The following PEDS1 variants were observed in gnomAD, a reference collection of about 807,000 sequenced individuals.
PEDS1 encodes CarF homolog.
A neutral mutation model predicts 35.2 loss-of-function variants in PEDS1; 14 were observed. The ratio of observed to expected loss-of-function variants is 0.40; its 90% CI spans 0.26 to 0.62. PEDS1 has a LOEUF of 0.62. Among genes scored for constraint, PEDS1 ranks in the 20% least tolerant of loss-of-function variants. The pLI is 0.44. For synonymous variants in PEDS1, 152 were observed against 152.0 expected, an observed-to-expected ratio of 1.00 and a Z score of 0.00; for missense variants, 260 against 367.8, an observed-to-expected ratio of 0.71 and a Z score of 2.40.
At chr20:50,134,625 T>C (rs1601217228) in intron 2 of PEDS1, among the ~76,000 whole-genome samples, 1 of 152,160 alleles carries the variant, frequency 6.6e-6, no homozygotes, top group Non-Finnish European at 1.5e-5. Flanking sequence ...GTCATAAGGG[T>C]GGGGCCTCGC....
intron 2 of PEDS1, among the ~76,000 whole-genome samples, chr20:50,135,810 G>A (rs920530092): frequency 2.6e-5 from 4 of 152,078 alleles, no homozygotes; most frequent in Admixed American, 6.6e-5. Flanking sequence ...TTATTTAAAC[G>A]GATTCAGATG....
intron 2 of PEDS1, among the ~76,000 whole-genome samples, chr20:50,132,367 C>A (rs1026326312): frequency 5.3e-5 from 8 of 152,166 alleles, no homozygotes; most frequent in Admixed American, 1.3e-4. Context: ...GAGGCTTCCA[C>A]CCCTGCTGCC....
chr20:50,131,061 C>T, intron 2 of PEDS1, 114 bp from the exon 3 acceptor site: 1 of 1,575,874 alleles, frequency 6.3e-7, no homozygotes, highest in Non-Finnish European at 8.6e-7. Flanking sequence ...GGTGTCCCTT[C>T]TTCTCTAGTT....
At chr20:50,126,265 TA>T (rs1438678250) in intron 5 of PEDS1, among the ~76,000 whole-genome samples, 2 of 152,300 alleles carry the variant, frequency 1.3e-5, no homozygotes, top group African/African-American at 4.8e-5. Flanking sequence ...ATGAGGTAGA[TA>T]CTAATATCAG....
chr20:50,142,906 T>C (rs973257317), intron 2 of PEDS1, among the ~76,000 whole-genome samples: 3 of 151,980 alleles, frequency 2.0e-5, no homozygotes, highest in Admixed American at 1.3e-4. Context: ...TGAGAGCAGG[T>C]GACAGACGCA....
chr20:50,144,477 G>A (rs950048544), intron 1 of PEDS1, among the ~76,000 whole-genome samples: 1 of 152,222 alleles, frequency 6.6e-6, no homozygotes, highest in Non-Finnish European at 1.5e-5. Context: ...CTAAAAGTAT[G>A]GCGTGTGGGC....
In PEDS1 at chr20:50,120,480, C is replaced by CTA. The variant is rs11472820; in HGVS notation, c.*4576_*4577dup. The CTA allele has an allele frequency of 0.3, 43,888 of 147,124 alleles. 6,324 individuals carry two copies. The highest frequency in any genetic ancestry group is 0.37 in the Middle Eastern group (106 of 284). 9.1% of individuals were successfully genotyped at this position (147,124 alleles called of 1,614,324 possible). ...TGCTTATATAGCAATATATATATTGCTATATATATATATATACCCATATAT... is the reference window on the plus strand; with the variant it reads ...TGCTTATATAGCAATATATATATTGCTATATATATATATATATACCCATATAT... On this transcript the variant is annotated 3_prime_UTR_variant, in exon 6 of 6. Transcript: ENST00000371652.
chr20:50,142,914 G>A (rs779904796), intron 2 of PEDS1, among the ~76,000 whole-genome samples: 18 of 152,122 alleles, frequency 1.2e-4, no homozygotes, highest in Non-Finnish European at 2.4e-4. Context: ...GGTGACAGAC[G>A]CACAGTCAGG....
At position 50,131,087 on chromosome 20, in the gene PEDS1, C is replaced by T. The variant is rs1334976030; in HGVS notation, c.242-140G>A. 4 of 1,554,374 alleles carry T rather than the reference C, an allele frequency of 2.6e-6. No homozygotes were observed. In the Admixed American group the frequency reaches 7.8e-5, roughly 30 times the overall value. On this transcript the variant is annotated intron_variant, in intron 2 of 5. Coordinates refer to ENST00000371652, the MANE Select transcript of PEDS1 (RefSeq NM_199129.4). ...TTCTCTAGTTGGGATGTTTTCTTCCCTGAAGATGGAGCCTCAGGCTTAACA... is the reference window on the plus strand; with the variant it reads ...TTCTCTAGTTGGGATGTTTTCTTCCTTGAAGATGGAGCCTCAGGCTTAACA...
intron 2 of PEDS1, among the ~76,000 whole-genome samples, chr20:50,134,951 G>C (rs1306206831): frequency 6.6e-6 from 1 of 152,112 alleles, no homozygotes; most frequent in African/African-American, 2.4e-5. Context: ...GGGAGGCTGA[G>C]GCAGGCGGAC....
chr20:50,134,478 C>T (rs1430526002), intron 2 of PEDS1, among the ~76,000 whole-genome samples: 10 of 152,022 alleles, frequency 6.6e-5, no homozygotes, highest in African/African-American at 9.7e-5. Context: ...ACCTGGGAGG[C>T]GGAGGTTGCG....
intron 3 of PEDS1, 28 bp downstream of exon 3, chr20:50,130,828 G>C: frequency 2.5e-6 from 4 of 1,613,392 alleles, no homozygotes; most frequent in Non-Finnish European, 3.4e-6. Context: ...CCTCCTTCTT[G>C]AGGACATGGT....
At chr20:50,135,880 GCAGTCGTGCGGAT>G (rs1380370006) in intron 2 of PEDS1, among the ~76,000 whole-genome samples, 2 of 152,144 alleles carry the variant, frequency 1.3e-5, no homozygotes, top group African/African-American at 2.4e-5. Flanking sequence ...CGTGGGCCAT[GCAGTCGTGCGGAT>G]CAGCAGTGGT....
Position 50,119,276 on chromosome 20 carries a change from A to T in PEDS1, c.*5782T>A, listed in dbSNP as rs1415106679. 2.0e-5 allele frequency: 3 copies of T among 151,338 alleles called. No homozygotes were observed. The highest frequency in any genetic ancestry group is 4.9e-5 in the African/African-American group (2 of 41,130). The allele number at this position is 151,338 out of a possible 1,614,324, so 9.4% of individuals were successfully genotyped here. ...CAAGACCCCCGTCTCTAAAAATAAT[A>T]AAAAAAAATTAGCTCAGCATGGTGG... On this transcript the variant is annotated 3_prime_UTR_variant, in exon 6 of 6. Transcript: ENST00000371652.
intron 1 of PEDS1, among the ~76,000 whole-genome samples, chr20:50,151,655 C>A (rs6012851): frequency 1.7e-4 from 26 of 152,146 alleles, no homozygotes; most frequent in African/African-American, 5.8e-4. Context: ...GTCAAGAGAT[C>A]GAGACCACCC....
At chr20:50,127,420 C>A (rs983637884) in intron 5 of PEDS1, among the ~76,000 whole-genome samples, 11 of 146,182 alleles carry the variant, frequency 7.5e-5, no homozygotes. Flanking sequence ...CAGCTTACTG[C>A]AACCTCCACC....
intron 1 of PEDS1, among the ~76,000 whole-genome samples, chr20:50,150,701 CT>C (rs112636763): frequency 0.1 from 14,989 of 149,800 alleles, 2,384 homozygotes; most frequent in African/African-American, 0.34. Context: ...TTTTCTTTTT[CT>C]TTTTTTTTGA....
intron 2 of PEDS1, among the ~76,000 whole-genome samples, chr20:50,142,690 C>CT (rs1461623628): frequency 1.6e-4 from 16 of 97,528 alleles, no homozygotes; most frequent in Non-Finnish European, 2.8e-4. Context: ...CCGCCCCCCC[C>CT]CCCCCGCCCC....
At chr20:50,134,838 A>T (rs529209818) in intron 2 of PEDS1, among the ~76,000 whole-genome samples, 4 of 152,326 alleles carry the variant, frequency 2.6e-5, no homozygotes, top group African/African-American at 9.6e-5. Context: ...CCAGGTTAAG[A>T]TAGAGATTCT....
Sources: allele counts gnomAD v4.1 joint callset (sites outside exome capture counted in the v4.1 genomes callset), GRCh38; gene constraint gnomAD v4.1.1; transcripts MANE v1.5; gene names NCBI Gene and HGNC (gene_info 2026-07-23, HGNC 2026-07-21).